TAFA2: variants seen among roughly 807,000 people sequenced by gnomAD.
The protein encoded by TAFA2 is chemokine-like protein TAFA-2.
TAFA2 carries 7 observed loss-of-function variants against 18.8 expected under a neutral mutation model. The ratio of observed to expected loss-of-function variants is 0.37; its 90% CI spans 0.21 to 0.70. The LOEUF (loss-of-function observed/expected upper bound fraction) is 0.70, where lower values mean the gene tolerates loss of function less well. Among genes scored for constraint, TAFA2 ranks in the 30% least tolerant of loss-of-function variants. The pLI is 0.53. For synonymous variants in TAFA2, 60 were observed against 54.2 expected, an observed-to-expected ratio of 1.11 and a Z score of -0.47; for missense variants, 122 against 158.1, an observed-to-expected ratio of 0.77 and a Z score of 1.23.
chr12:61,771,533 C>G (rs192004016), intron 2 of TAFA2, among the ~76,000 whole-genome samples: 20 of 152,056 alleles, frequency 1.3e-4, no homozygotes, highest in Admixed American at 1.2e-3. Context: ...CAAGTACTCT[C>G]TCTGACCACA....
chr12:62,023,448 C>T (rs1881212660), intron 1 of TAFA2, among the ~76,000 whole-genome samples: 1 of 151,944 alleles, frequency 6.6e-6, no homozygotes, highest in Admixed American at 6.6e-5. Flanking sequence ...ATATACTATG[C>T]TTTACAGGCT....
chr12:61,863,547 G>A (rs1874216082), intron 2 of TAFA2, among the ~76,000 whole-genome samples: 1 of 152,166 alleles, frequency 6.6e-6, no homozygotes, highest in Non-Finnish European at 1.5e-5. Context: ...CTGCATTAGT[G>A]GGACTCTTAC....
At chr12:61,910,586 C>T (rs182947508) in intron 1 of TAFA2, among the ~76,000 whole-genome samples, 1 of 152,126 alleles carries the variant, frequency 6.6e-6, no homozygotes, top group African/African-American at 2.4e-5. Context: ...AACAGCCCTG[C>T]CATCAAGGAG....
chr12:62,020,595 G>T (rs776572270), intron 1 of TAFA2, among the ~76,000 whole-genome samples: 1 of 152,148 alleles, frequency 6.6e-6, no homozygotes, highest in Non-Finnish European at 1.5e-5. Flanking sequence ...AAGGATGAAG[G>T]TGAAAATTAT....
chr12:62,240,436 TAAC>T (rs2062857649), intron 1 of TAFA2, among the ~76,000 whole-genome samples: 1 of 151,212 alleles, frequency 6.6e-6, no homozygotes, highest in East Asian at 1.9e-4. Flanking sequence ...AAAAAAAAAC[TAAC>T]AATAATTAAT....
chr12:62,145,693 T>A (rs1027124580), intron 1 of TAFA2: 3 of 152,248 alleles, frequency 2.0e-5, no homozygotes, highest in Non-Finnish European at 2.9e-5. Flanking sequence ...AATGGCACTA[T>A]CTACCACTAG....
At chr12:61,722,000 C>G (rs1387804202) in intron 4 of TAFA2, among the ~76,000 whole-genome samples, 1 of 151,900 alleles carries the variant, frequency 6.6e-6, no homozygotes, top group Non-Finnish European at 1.5e-5. Context: ...CCAAAGTACT[C>G]CAGCGATATC....
At chr12:62,166,322 C>T (rs1025760373) in intron 1 of TAFA2, among the ~76,000 whole-genome samples, 3 of 152,048 alleles carry the variant, frequency 2.0e-5, no homozygotes, top group African/African-American at 7.2e-5. Flanking sequence ...GGTGTTAACA[C>T]AAAATAGCAA....
At chr12:62,175,054 G>A (rs980772704) in intron 1 of TAFA2, among the ~76,000 whole-genome samples, 5 of 152,162 alleles carry the variant, frequency 3.3e-5, no homozygotes, top group African/African-American at 1.2e-4. Context: ...TTGATGAGCA[G>A]GGATTTAGAC....
intron 1 of TAFA2, among the ~76,000 whole-genome samples, chr12:61,908,339 A>G (rs1478732698): frequency 1.3e-5 from 2 of 151,964 alleles, no homozygotes; most frequent in African/African-American, 2.4e-5. Flanking sequence ...ATGAAATCTG[A>G]TGGTTTTATA....
chr12:61,715,748 C>A (rs1329294316), intron 4 of TAFA2, among the ~76,000 whole-genome samples: 14 of 139,682 alleles, frequency 1.0e-4, no homozygotes, highest in Admixed American at 2.9e-4. Context: ...CAAGACTCTA[C>A]AAAAAAAAAA....
At chr12:61,714,593 A>G (rs904117808) in intron 4 of TAFA2, among the ~76,000 whole-genome samples, 1 of 152,204 alleles carries the variant, frequency 6.6e-6, no homozygotes, top group African/African-American at 2.4e-5. Flanking sequence ...ATTTAAATTG[A>G]GAAAATAAAA....
intron 2 of TAFA2, among the ~76,000 whole-genome samples, chr12:61,823,203 C>A (rs1404236812): frequency 6.6e-6 from 1 of 151,936 alleles, no homozygotes; most frequent in Admixed American, 6.6e-5. Context: ...AATAGGGTCT[C>A]ACTCTGTTGT....
chr12:61,731,358 T>A (rs1171034782), intron 4 of TAFA2, among the ~76,000 whole-genome samples: 1 of 152,078 alleles, frequency 6.6e-6, no homozygotes, highest in Non-Finnish European at 1.5e-5. Context: ...GAAGCAAAAG[T>A]TTACAATGTT....
chr12:61,731,847 C>T (rs1337053920), intron 4 of TAFA2, among the ~76,000 whole-genome samples: 3 of 152,000 alleles, frequency 2.0e-5, no homozygotes, highest in Non-Finnish European at 2.9e-5. Flanking sequence ...GGCTTCAAAA[C>T]CAGTGAAACA....
At chr12:62,242,152 C>T (rs1297039315) in intron 1 of TAFA2, among the ~76,000 whole-genome samples, 18 of 151,940 alleles carry the variant, frequency 1.2e-4, no homozygotes, top group African/African-American at 4.1e-4. Context: ...CAGATGTGTC[C>T]AGTGTTGATG....
chr12:61,767,819 C>T (rs1156880106), intron 2 of TAFA2, among the ~76,000 whole-genome samples: 3 of 151,842 alleles, frequency 2.0e-5, no homozygotes, highest in Non-Finnish European at 4.4e-5. Context: ...AAGCTAATAG[C>T]TCTTTGAAAA....
intron 1 of TAFA2, among the ~76,000 whole-genome samples, chr12:62,122,618 A>G (rs1870247430): frequency 6.6e-6 from 1 of 152,202 alleles, no homozygotes; most frequent in Admixed American, 6.5e-5. Context: ...TGAACCCAAG[A>G]TTCCAATGTA....
intron 1 of TAFA2, among the ~76,000 whole-genome samples, chr12:62,159,884 A>G (rs527620043): frequency 6.6e-6 from 1 of 152,318 alleles, no homozygotes; most frequent in South Asian, 2.1e-4. Flanking sequence ...TTATTATTAT[A>G]AGATAAAATA....
Sources: allele counts gnomAD v4.1 joint callset (sites outside exome capture counted in the v4.1 genomes callset), GRCh38; gene constraint gnomAD v4.1.1; transcripts MANE v1.5; gene names NCBI Gene and HGNC (gene_info 2026-07-23, HGNC 2026-07-21).